ITGA8: variants seen among roughly 807,000 people sequenced by gnomAD.
ITGA8 encodes the protein integrin subunit alpha 8, also known as integrin alpha-8.
ITGA8 carries 91 observed loss-of-function variants against 142.3 expected under a neutral mutation model. The ratio of observed to expected loss-of-function variants is 0.64; its 90% CI spans 0.54 to 0.76. The LOEUF (loss-of-function observed/expected upper bound fraction) is 0.76. Among genes scored for constraint, ITGA8 ranks in the 30% least tolerant of loss-of-function variants. ITGA8 has a pLI of 0.00. For synonymous variants in ITGA8, 505 were observed against 485.2 expected (o/e 1.04, Z -0.54); for missense variants, 1,406 against 1,327.7 (o/e 1.06, Z -0.92).
At chr10:15,576,851 T>C (rs2131584577) in intron 23 of ITGA8, among the ~76,000 whole-genome samples, 1 of 152,340 alleles carries the variant, frequency 6.6e-6, no homozygotes, top group South Asian at 2.1e-4. Flanking sequence ...TGCATAGCTC[T>C]TTGCATATGT....
intron 2 of ITGA8, among the ~76,000 whole-genome samples, chr10:15,701,521 A>G (rs541350128): frequency 6.6e-6 from 1 of 152,026 alleles, no homozygotes; most frequent in South Asian, 2.1e-4. Flanking sequence ...TGCATTTCAG[A>G]GCAGGAGTGA....
At chr10:15,548,346 G>T (rs1206963683) in intron 27 of ITGA8, 109 bp downstream of exon 27, 37 of 742,686 alleles carry the variant, frequency 5.0e-5, no homozygotes, top group Non-Finnish European at 8.1e-5. Flanking sequence ...ATCTGCCTCG[G>T]ACTTCCACAG....
intron 13 of ITGA8, among the ~76,000 whole-genome samples, chr10:15,637,566 C>T (rs1833794769): frequency 1.4e-5 from 2 of 147,914 alleles, no homozygotes; most frequent in African/African-American, 2.5e-5. Flanking sequence ...GGCTGGAGTG[C>T]AGTGGTGAGA....
At chr10:15,562,721 G>A (rs1834006084) in intron 25 of ITGA8, among the ~76,000 whole-genome samples, 1 of 152,214 alleles carries the variant, frequency 6.6e-6, no homozygotes, top group South Asian at 2.1e-4. Flanking sequence ...AGAAACCCTG[G>A]GAGGTGGAGT....
intron 5 of ITGA8, among the ~76,000 whole-genome samples, chr10:15,678,092 C>A (rs1221583407): frequency 6.6e-6 from 1 of 152,152 alleles, no homozygotes; most frequent in African/African-American, 2.4e-5. Flanking sequence ...GCAAACACTC[C>A]AGACTAGCAA....
intron 22 of ITGA8, among the ~76,000 whole-genome samples, chr10:15,590,755 T>A (rs1470173043): frequency 6.6e-6 from 1 of 152,234 alleles, no homozygotes; most frequent in African/African-American, 2.4e-5. Flanking sequence ...TTTAACATGC[T>A]TTTGGTAAAA....
chr10:15,529,897 G>A (rs993730444), intron 28 of ITGA8, among the ~76,000 whole-genome samples: 10 of 152,192 alleles, frequency 6.6e-5, no homozygotes, highest in Non-Finnish European at 1.5e-4. Flanking sequence ...GGAGAGGTCT[G>A]TTTCTGTAGT....
chr10:15,554,256 C>G (rs966617558), intron 26 of ITGA8, among the ~76,000 whole-genome samples: 3 of 152,156 alleles, frequency 2.0e-5, no homozygotes, highest in Admixed American at 6.5e-5. Context: ...AACTCATGAG[C>G]CTTCTCTGTA....
chr10:15,571,375 T>C (rs1320959801), intron 25 of ITGA8, among the ~76,000 whole-genome samples: 1 of 152,252 alleles, frequency 6.6e-6, no homozygotes, highest in Non-Finnish European at 1.5e-5. Context: ...AGGAGAACGT[T>C]CGTTCTTACA....
chr10:15,630,800 T>C (rs1255672432), intron 13 of ITGA8, among the ~76,000 whole-genome samples: 2 of 152,032 alleles, frequency 1.3e-5, no homozygotes, highest in Admixed American at 6.5e-5. Context: ...CTCCAACTAA[T>C]TCATACTCCA....
Position 15,517,216 on chromosome 10 carries a change from G to A in ITGA8, c.3134C>T (p.Pro1045Leu). ...KCGFFDRARP[P>L]QEDMTDREQL... ...TTCCCTGTCGGTCATGTCCTCCTGA[G>A]GAGGTCTGGCTCTGTCAAAGAATCC... Residue 1045 changes from proline (P) to leucine (L), a missense_variant, in exon 30 of 30, where the codon CCT becomes CTT. Physicochemically the swap from Pro to Leu is moderately conservative, Grantham distance 98 (BLOSUM62 -3). Coordinates refer to ENST00000378076, the MANE Select transcript of ITGA8 (RefSeq NM_003638.3). The A allele has an allele frequency of 1.2e-6, 2 of 1,613,378 alleles. No individual in the cohort carries two copies. Among genetic ancestry groups the A allele is most frequent in the South Asian group, 1.1e-5 (1 of 91,040 alleles).
chr10:15,683,292 TCCACCCATCCACCCACCCACCCAC>T (rs1218555394), intron 4 of ITGA8, among the ~76,000 whole-genome samples: 3 of 52,602 alleles, frequency 5.7e-5, no homozygotes, highest in Non-Finnish European at 1.3e-4. Flanking sequence ...CATCCATCCA[TCCACCCATCCACCCACCCACCCAC>T]CCACCCACCC....
Position 15,672,801 on chromosome 10 carries a change from C to T in ITGA8, c.677-52G>A, listed in dbSNP as rs182912478. On this transcript the variant is annotated intron_variant, in intron 6 of 29. Coordinates refer to ENST00000378076, the MANE Select transcript of ITGA8 (RefSeq NM_003638.3). ...ACTGAATGAAAGCAAGAGGCAGGCC[C>T]TCCATGAGCAGACCCACATTCCCTT... 375 of 1,500,024 alleles carry T rather than the reference C, an allele frequency of 2.5e-4. No homozygotes were observed. In the African/African-American group the frequency reaches 4.9e-3, roughly 20 times the overall value. The allele number at this position is 1,500,024 out of a possible 1,614,324, so 92.9% of individuals were successfully genotyped here. A position where few individuals can be genotyped will look rare whatever the true frequency, so the allele number is the denominator to read the frequency against.
intron 23 of ITGA8, among the ~76,000 whole-genome samples, chr10:15,576,940 T>C (rs1330081513): frequency 6.6e-6 from 1 of 152,158 alleles, no homozygotes; most frequent in Non-Finnish European, 1.5e-5. Flanking sequence ...TTTATATTGG[T>C]TTGTCATTAT....
At chr10:15,616,926 G>A (rs942961196) in intron 13 of ITGA8, among the ~76,000 whole-genome samples, 1 of 151,792 alleles carries the variant, frequency 6.6e-6, no homozygotes, top group African/African-American at 2.4e-5. Context: ...TACACATTTC[G>A]TGTTATCACT....
intron 21 of ITGA8, among the ~76,000 whole-genome samples, chr10:15,595,290 C>T (rs1303494741): frequency 6.6e-6 from 1 of 152,050 alleles, no homozygotes; most frequent in East Asian, 1.9e-4. Flanking sequence ...TTTAGCACTG[C>T]TTTTCCATTT....
intron 22 of ITGA8, 80 bp from the exon 23 acceptor site, chr10:15,586,744 A>C (rs1263651015): frequency 1.2e-6 from 1 of 810,850 alleles, no homozygotes; most frequent in East Asian, 2.6e-5. Flanking sequence ...AACATTCTAC[A>C]TATCACAGGA....
intron 13 of ITGA8, among the ~76,000 whole-genome samples, chr10:15,634,363 A>G (rs1833735265): frequency 1.3e-5 from 2 of 152,094 alleles, no homozygotes; most frequent in South Asian, 4.2e-4. Flanking sequence ...TAACTGATTT[A>G]TACATATTAT....
At chr10:15,604,051 C>T (rs546162095) in intron 20 of ITGA8, among the ~76,000 whole-genome samples, 157 bp downstream of exon 20, 2 of 152,296 alleles carry the variant, frequency 1.3e-5, no homozygotes, top group African/African-American at 4.8e-5. Context: ...CCCACCCCTG[C>T]TTTGTGGCTC....
Sources: allele counts gnomAD v4.1 joint callset (sites outside exome capture counted in the v4.1 genomes callset), GRCh38; gene constraint gnomAD v4.1.1; transcripts MANE v1.5; gene names NCBI Gene and HGNC (gene_info 2026-07-23, HGNC 2026-07-21).